Variants in FHIT observed in about 807,000 individuals in gnomAD.
The protein encoded by FHIT is fragile histidine triad diadenosine triphosphatase.
Under a neutral mutation model 17.9 loss-of-function variants are expected in FHIT, and 19 were observed. That is an observed-to-expected ratio of 1.06 (90% confidence interval 0.74 to 1.56). The LOEUF (loss-of-function observed/expected upper bound fraction) is 1.56. FHIT is among the 40% of genes most tolerant of loss of function. The pLI is 0.00. For missense variants in FHIT, 248 were observed against 189.2 expected, an observed-to-expected ratio of 1.31 and a Z score of -1.82; for synonymous variants, 81 against 69.7, an observed-to-expected ratio of 1.16 and a Z score of -0.81.
chr3:60,142,780 AC>A (rs1306552422), intron 5 of FHIT, among the ~76,000 whole-genome samples: 1 of 151,210 alleles, frequency 6.6e-6, no homozygotes, highest in African/African-American at 2.4e-5. Flanking sequence ...TAGATCAGCC[AC>A]TCAAGTCACT....
chr3:60,062,720 G>C (rs1422731999), intron 5 of FHIT, among the ~76,000 whole-genome samples: 4 of 152,184 alleles, frequency 2.6e-5, no homozygotes, highest in East Asian at 1.9e-4. Context: ...TTGTAAGGGA[G>C]ATGACCTAAC....
chr3:60,211,615 G>A (rs1703456659), intron 5 of FHIT, among the ~76,000 whole-genome samples: 2 of 152,112 alleles, frequency 1.3e-5, no homozygotes, highest in Admixed American at 6.5e-5. Context: ...ACTGCTCATG[G>A]TAATTAAATT....
intron 2 of FHIT, among the ~76,000 whole-genome samples, chr3:61,133,057 C>A (rs979331071): frequency 1.3e-5 from 2 of 152,078 alleles, no homozygotes; most frequent in African/African-American, 4.8e-5. Flanking sequence ...GGAAAGAGTT[C>A]CTGTCTCCTA....
intron 5 of FHIT, among the ~76,000 whole-genome samples, chr3:60,259,181 G>T (rs1212585733): frequency 6.6e-6 from 1 of 152,112 alleles, no homozygotes; most frequent in Non-Finnish European, 1.5e-5. Flanking sequence ...GCCAGGAATT[G>T]CTGAGGTAGA....
intron 8 of FHIT, among the ~76,000 whole-genome samples, chr3:59,863,070 T>A (rs1416175351): frequency 2.6e-5 from 4 of 152,202 alleles, no homozygotes; most frequent in Non-Finnish European, 5.9e-5. Flanking sequence ...GGAATAGTCC[T>A]ATCCGAGGAA....
At chr3:60,424,623 A>G (rs977775925) in intron 5 of FHIT, among the ~76,000 whole-genome samples, 11 of 152,062 alleles carry the variant, frequency 7.2e-5, no homozygotes, top group Non-Finnish European at 1.5e-4. Flanking sequence ...ACATGCCCAA[A>G]ATACATGGAA....
intron 5 of FHIT, among the ~76,000 whole-genome samples, chr3:60,136,345 T>G (rs1016698982): frequency 2.6e-5 from 4 of 152,098 alleles, no homozygotes; most frequent in African/African-American, 9.7e-5. Flanking sequence ...TTCTTCTTCA[T>G]CCCATAAACA....
chr3:60,169,948 G>A (rs1299377279), intron 5 of FHIT, among the ~76,000 whole-genome samples: 1 of 152,194 alleles, frequency 6.6e-6, no homozygotes, highest in Non-Finnish European at 1.5e-5. Context: ...ACACATGCCT[G>A]AAATGACAAT....
intron 3 of FHIT, among the ~76,000 whole-genome samples, chr3:61,007,638 G>A (rs917071798): frequency 6.6e-6 from 1 of 152,180 alleles, no homozygotes; most frequent in Non-Finnish European, 1.5e-5. Flanking sequence ...TGTGTAACTT[G>A]AAGGAAACGT....
chr3:61,241,332 T>C (rs551131760), intron 1 of FHIT, among the ~76,000 whole-genome samples: 1 of 152,166 alleles, frequency 6.6e-6, no homozygotes, highest in Non-Finnish European at 1.5e-5. Flanking sequence ...AACTTGTGCT[T>C]CTGGGCACAG....
intron 5 of FHIT, among the ~76,000 whole-genome samples, chr3:60,413,620 A>G (rs1702143597): frequency 6.6e-6 from 1 of 151,686 alleles, no homozygotes. Context: ...TGGATTTGAA[A>G]GCTGCAAAGC....
chr3:60,898,048 A>G (rs1553762298), intron 3 of FHIT, among the ~76,000 whole-genome samples: 1 of 152,196 alleles, frequency 6.6e-6, no homozygotes, highest in Non-Finnish European at 1.5e-5. Context: ...AACTGTTAAT[A>G]TTTTAGGGCA....
chr3:60,689,563 A>G (rs1026568970), intron 4 of FHIT, among the ~76,000 whole-genome samples: 5 of 152,180 alleles, frequency 3.3e-5, no homozygotes, highest in Non-Finnish European at 7.3e-5. Flanking sequence ...GGACGACAGT[A>G]CTTGGTGATT....
chr3:59,975,896 G>A (rs893154472), intron 7 of FHIT, among the ~76,000 whole-genome samples: 1 of 152,010 alleles, frequency 6.6e-6, no homozygotes, highest in Non-Finnish European at 1.5e-5. Flanking sequence ...TGATTATCTG[G>A]CTCCACTTCC....
intron 5 of FHIT, among the ~76,000 whole-genome samples, chr3:60,366,707 C>T (rs1438187938): frequency 1.3e-5 from 2 of 152,188 alleles, no homozygotes; most frequent in African/African-American, 2.4e-5. Flanking sequence ...CAGATGCTGA[C>T]ATCATGGTCT....
At chr3:60,345,736 T>C (rs569880712) in intron 5 of FHIT, among the ~76,000 whole-genome samples, 9 of 152,328 alleles carry the variant, frequency 5.9e-5, no homozygotes, top group African/African-American at 2.2e-4. Context: ...GTTTATTGAA[T>C]CTTGAATGAC....
chr3:60,114,276 G>C (rs1285849058), intron 5 of FHIT, among the ~76,000 whole-genome samples: 2 of 149,802 alleles, frequency 1.3e-5, no homozygotes, highest in Non-Finnish European at 3.0e-5. Flanking sequence ...TTAGGAGCAG[G>C]GCTGCGACTA....
intron 2 of FHIT, among the ~76,000 whole-genome samples, chr3:61,118,169 T>A (rs928690743): frequency 6.6e-6 from 1 of 152,190 alleles, no homozygotes; most frequent in African/African-American, 2.4e-5. Context: ...ACCTCCAAAT[T>A]TATTCAGAAA....
At chr3:61,004,213 A>C (rs2031291137) in intron 3 of FHIT, among the ~76,000 whole-genome samples, 1 of 152,220 alleles carries the variant, frequency 6.6e-6, no homozygotes, top group Admixed American at 6.5e-5. Flanking sequence ...ACTGATAAAA[A>C]TAGATCCTGC....
Sources: gnomAD v4.1 joint callset for allele counts (sites outside exome capture counted in the v4.1 genomes callset) on GRCh38, gnomAD v4.1.1 for gene constraint, MANE v1.5 for transcripts, NCBI Gene and HGNC (gene_info 2026-07-23, HGNC 2026-07-21) for gene names.